Variants in PHF8 observed in about 807,000 individuals in gnomAD.
PHF8 encodes histone lysine demethylase PHF8.
In PHF8, 9 loss-of-function variants were observed where a neutral mutation model predicts 74.4. That is an observed-to-expected ratio of 0.12 (90% CI 0.07 to 0.21). PHF8 has a LOEUF of 0.21. Among genes scored for constraint, PHF8 ranks in the 10% least tolerant of loss-of-function variants. The pLI, the probability that PHF8 is intolerant of heterozygous loss-of-function variation, is 1.00. For missense variants in PHF8, 478 were observed against 816.6 expected (o/e 0.59, Z 5.05); for synonymous variants, 311 against 316.6 (o/e 0.98, Z 0.19).
rs1439895633 is a variant in PHF8, at chrX:53,987,118, T to G, written c.1955A>C (p.Asn652Thr). 8 of 1,202,708 alleles carry G rather than the reference T, an allele frequency of 6.7e-6. No homozygotes were observed. The highest frequency in any genetic ancestry group is 9.0e-6 in the Non-Finnish European group (8 of 889,268). ...AACTTCTCCTGGTTCACGAACTCGG[T>G]TGGGGTCAGAGCAAGGCTTCGCACG... ...LPRAKPCSDP[N>T]RVREPGEVEF... Residue 652 changes from asparagine (N) to threonine (T), a missense_variant, in exon 16 of 22, where the codon AAC (asparagine) becomes ACC (threonine). Transcript: ENST00000338154.
chrX:53,976,800 C>A (rs2065385893), intron 18 of PHF8, among the ~76,000 whole-genome samples: 1 of 109,624 alleles, frequency 9.1e-6, no homozygotes, highest in African/African-American at 3.3e-5. Flanking sequence ...TCACTAAAGA[C>A]CCCATAGACA....
chrX:54,036,984 G>C (rs1392000120), intron 2 of PHF8, among the ~76,000 whole-genome samples: 1 of 100,458 alleles, frequency 1.0e-5, no homozygotes, highest in Non-Finnish European at 2.0e-5. Context: ...TGGGCAACAG[G>C]CTGTTTCAGA....
intron 11 of PHF8, 83 bp downstream of exon 11, chrX:53,999,787 T>A (rs782576088): frequency 1.7e-6 from 1 of 589,221 alleles, no homozygotes. Context: ...TCTGGTCTCT[T>A]CTGTCTCTCC....
At chrX:53,996,875 A>T (rs1338886806) in intron 11 of PHF8, among the ~76,000 whole-genome samples, 3 of 112,168 alleles carry the variant, frequency 2.7e-5, no homozygotes, top group Non-Finnish European at 1.9e-5. Context: ...ACAGAGGAGG[A>T]GTTCTTTGTG....
intron 18 of PHF8, among the ~76,000 whole-genome samples, chrX:53,967,477 T>A (rs1437606135): frequency 4.3e-5 from 4 of 93,107 alleles, no homozygotes; most frequent in Non-Finnish European, 8.5e-5. Context: ...AGCCACCTCA[T>A]CCGGGAGGGA....
chrX:54,044,870 C>G, upstream of PHF8: 3 of 1,152,463 alleles, frequency 2.6e-6, no homozygotes, highest in Non-Finnish European at 3.5e-6. Flanking sequence ...AGGCGGAGTA[C>G]TCACCGCGGC....
chrX:54,027,439 G>A (rs188786489), intron 2 of PHF8, among the ~76,000 whole-genome samples: 2 of 111,242 alleles, frequency 1.8e-5, no homozygotes, highest in African/African-American at 6.5e-5. Context: ...ACCCTTAGCT[G>A]CCTAGTAGTA....
intron 2 of PHF8, among the ~76,000 whole-genome samples, chrX:54,025,550 G>C (rs959761493): frequency 9.0e-6 from 1 of 111,104 alleles, no homozygotes; most frequent in Non-Finnish European, 1.9e-5. Context: ...TCCCCATCCC[G>C]AGTCCTGACA....
At chrX:54,023,349 A>G (rs2066209446) in intron 2 of PHF8, among the ~76,000 whole-genome samples, 1 of 111,782 alleles carries the variant, frequency 8.9e-6, no homozygotes, top group African/African-American at 3.3e-5. Flanking sequence ...TATAGTCAAC[A>G]GTAGTTCTAA....
At chrX:54,001,066 G>A (rs2065819171) in intron 10 of PHF8, among the ~76,000 whole-genome samples, 1 of 112,427 alleles carries the variant, frequency 8.9e-6, no homozygotes, top group East Asian at 2.8e-4. Context: ...GGTGGCTCAC[G>A]CCTGTAATCC....
chrX:53,949,880 G>T (rs781868848), intron 19 of PHF8, among the ~76,000 whole-genome samples: 1 of 108,369 alleles, frequency 9.2e-6, no homozygotes, highest in South Asian at 4.1e-4. Flanking sequence ...TGGCACCGTG[G>T]TTATGGAAGA....
At chrX:53,996,118 G>C (rs1388542489) in intron 11 of PHF8, among the ~76,000 whole-genome samples, 1 of 109,828 alleles carries the variant, frequency 9.1e-6, no homozygotes, top group Non-Finnish European at 1.9e-5. Flanking sequence ...AACATTATGA[G>C]ACTTTTTTTT....
intron 12 of PHF8, among the ~76,000 whole-genome samples, chrX:53,994,925 G>A (rs893346864): frequency 1.2e-4 from 14 of 112,396 alleles, no homozygotes; most frequent in Non-Finnish European, 2.3e-4. Context: ...TGCTATTAAA[G>A]TCTACTAATA....
At chrX:54,009,080 A>G (rs1357495392) in intron 8 of PHF8, among the ~76,000 whole-genome samples, 1 of 111,668 alleles carries the variant, frequency 9.0e-6, no homozygotes, top group East Asian at 2.8e-4. Flanking sequence ...CGGGAGGCTG[A>G]GGCAGGAGAA....
chrX:53,952,562 C>T (rs1274008137), intron 19 of PHF8, among the ~76,000 whole-genome samples: 2 of 111,542 alleles, frequency 1.8e-5, no homozygotes, highest in African/African-American at 6.5e-5. Flanking sequence ...AGCTATATAG[C>T]AGCAAAGTTT....
chrX:53,947,285 G>A (rs1416061522), intron 19 of PHF8, among the ~76,000 whole-genome samples: 1 of 111,814 alleles, frequency 8.9e-6, no homozygotes, highest in Non-Finnish European at 1.9e-5. Flanking sequence ...CCATAGGCAT[G>A]AGCCACCATG....
At chrX:53,962,232 G>T (rs190350429) in intron 19 of PHF8, among the ~76,000 whole-genome samples, 5 of 112,058 alleles carry the variant, frequency 4.5e-5, no homozygotes, top group Non-Finnish European at 3.8e-5. Flanking sequence ...CCAACCTACA[G>T]AATTATGAAA....
intron 18 of PHF8, among the ~76,000 whole-genome samples, chrX:53,967,333 G>A (rs1338062557): frequency 1.1e-4 from 11 of 97,936 alleles, no homozygotes; most frequent in Non-Finnish European, 2.1e-4. Context: ...TCAGCCCCCC[G>A]CCCGGCCAGC....
chrX:53,985,008 T>C lies in PHF8; in HGVS notation c.2349A>G (p.Pro783=). ...CCTCGCTCTCGGTTCTCCAGTATGCTGGCCGCTTGATGGGCCGCTTCCCTG... is the reference window on the plus strand; with the variant it reads ...CCTCGCTCTCGGTTCTCCAGTATGCCGGCCGCTTGATGGGCCGCTTCCCTG... ...RTPGKRPIKR[P]AYWRTESEEE... Residue 783 remains proline (P), a synonymous_variant, in exon 18 of 22, where the codon CCA becomes CCG. Transcript: ENST00000338154. 1 of 1,211,085 alleles carries C rather than the reference T, an allele frequency of 8.3e-7. No individual in the cohort carries two copies. Among genetic ancestry groups the C allele is most frequent in the Non-Finnish European group, 1.1e-6 (1 of 894,730 alleles).
Sources: gnomAD v4.1 joint callset for allele counts (sites outside exome capture counted in the v4.1 genomes callset) on GRCh38, gnomAD v4.1.1 for gene constraint, MANE v1.5 for transcripts, NCBI Gene and HGNC (gene_info 2026-07-23, HGNC 2026-07-21) for gene names.